MARCHF1: variants seen among roughly 807,000 people sequenced by gnomAD.
MARCHF1 encodes E3 ubiquitin-protein ligase MARCHF1.
A neutral mutation model predicts 54.2 loss-of-function variants in MARCHF1; 40 were observed. The ratio of observed to expected loss-of-function variants is 0.74; its 90% CI spans 0.57 to 0.96. MARCHF1 has a LOEUF of 0.96. MARCHF1 is among the 40% of genes least tolerant of loss of function. The pLI, the probability that MARCHF1 is intolerant of heterozygous loss-of-function variation, is 0.00. For missense variants in MARCHF1, 586 were observed against 656.5 expected (o/e 0.89, Z 1.17); for synonymous variants, 236 against 236.3 (o/e 1.00, Z 0.01).
intron 2 of MARCHF1, among the ~76,000 whole-genome samples, chr4:164,021,912 G>A (rs1475743103): frequency 6.6e-6 from 1 of 150,760 alleles, no homozygotes; most frequent in Non-Finnish European, 1.5e-5. Flanking sequence ...CTTTACATAT[G>A]GTGTGAAATA....
At chr4:163,850,062 G>C (rs535677074) in intron 4 of MARCHF1, among the ~76,000 whole-genome samples, 3 of 152,174 alleles carry the variant, frequency 2.0e-5, no homozygotes, top group Non-Finnish European at 4.4e-5. Context: ...GGAGGAGAAA[G>C]GACTCATTCT....
intron 1 of MARCHF1, among the ~76,000 whole-genome samples, chr4:164,149,473 G>C (rs181925663): frequency 1.3e-5 from 2 of 152,226 alleles, no homozygotes; most frequent in Admixed American, 1.3e-4. Context: ...AACAACCAGG[G>C]AATAGACAAA....
chr4:163,874,254 C>A (rs1750241257), intron 3 of MARCHF1, among the ~76,000 whole-genome samples: 1 of 152,170 alleles, frequency 6.6e-6, no homozygotes, highest in South Asian at 2.1e-4. Flanking sequence ...GATGTTTGGG[C>A]AGCCACGTGG....
intron 3 of MARCHF1, among the ~76,000 whole-genome samples, chr4:163,966,754 G>T (rs1187690750): frequency 2.0e-5 from 3 of 152,086 alleles, no homozygotes; most frequent in African/African-American, 7.2e-5. Context: ...CTTGTCCAGT[G>T]CCACACAGCT....
chr4:164,033,857 A>G (rs1163387263), intron 2 of MARCHF1, among the ~76,000 whole-genome samples: 1 of 152,142 alleles, frequency 6.6e-6, no homozygotes, highest in African/African-American at 2.4e-5. Context: ...ATTGTGGAAG[A>G]CAGTGTGGTG....
At chr4:163,592,145 T>C (rs1195441879) in intron 7 of MARCHF1, among the ~76,000 whole-genome samples, 5 of 152,132 alleles carry the variant, frequency 3.3e-5, no homozygotes, top group African/African-American at 1.2e-4. Flanking sequence ...CAAAATACAA[T>C]CATGACATAA....
intron 3 of MARCHF1, among the ~76,000 whole-genome samples, chr4:163,868,776 A>T (rs990715479): frequency 2.0e-5 from 3 of 151,648 alleles, no homozygotes; most frequent in Non-Finnish European, 4.4e-5. Context: ...TTAAAAAAAA[A>T]TGTTTTTTGA....
chr4:164,051,126 A>C (rs1201588017), intron 2 of MARCHF1, among the ~76,000 whole-genome samples: 1 of 152,144 alleles, frequency 6.6e-6, no homozygotes, highest in Non-Finnish European at 1.5e-5. Flanking sequence ...AATTTGGCAC[A>C]ATGTTTCAAA....
intron 3 of MARCHF1, among the ~76,000 whole-genome samples, chr4:163,985,735 T>G (rs903366607): frequency 1.3e-5 from 2 of 152,176 alleles, no homozygotes; most frequent in African/African-American, 2.4e-5. Context: ...TTTACTAATT[T>G]AAATTAATTA....
chr4:164,257,471 C>A (rs1463449349), intron 1 of MARCHF1, among the ~76,000 whole-genome samples: 2 of 139,582 alleles, frequency 1.4e-5, no homozygotes, highest in East Asian at 4.0e-4. Flanking sequence ...TTGTTTCATT[C>A]TTTTTTTCTA....
At chr4:163,848,106 A>G (rs7666847) in intron 4 of MARCHF1, among the ~76,000 whole-genome samples, 132,623 of 152,204 alleles carry the variant, frequency 0.87, 58,965 homozygotes, top group Non-Finnish European at 0.99. Context: ...GGACATAAAG[A>G]CTGCTTTGAA....
intron 4 of MARCHF1, among the ~76,000 whole-genome samples, chr4:163,780,123 A>G (rs1409562997): frequency 1.3e-5 from 2 of 152,206 alleles, no homozygotes; most frequent in Non-Finnish European, 2.9e-5. Flanking sequence ...ATTTTTTCCT[A>G]AAGACAGGTG....
chr4:164,330,357 G>A (rs961079251), intron 1 of MARCHF1, among the ~76,000 whole-genome samples: 1 of 152,062 alleles, frequency 6.6e-6, no homozygotes, highest in Non-Finnish European at 1.5e-5. Flanking sequence ...ACAGGATGGA[G>A]TTAGGAAGAA....
chr4:164,316,328 T>TA (rs1468053745), intron 1 of MARCHF1, among the ~76,000 whole-genome samples: 1 of 152,196 alleles, frequency 6.6e-6, no homozygotes, highest in Non-Finnish European at 1.5e-5. Context: ...TACTAGCAAC[T>TA]ACTTTTTAGA....
intron 4 of MARCHF1, among the ~76,000 whole-genome samples, chr4:163,756,588 C>CGCCACTGT (rs1746675903): frequency 7.5e-6 from 1 of 133,932 alleles, no homozygotes; most frequent in Non-Finnish European, 1.5e-5. Context: ...GCCGAGATAG[C>CGCCACTGT]GCCACTGTAC....
chr4:163,768,224 A>G (rs1229622558), intron 4 of MARCHF1, among the ~76,000 whole-genome samples: 1 of 152,200 alleles, frequency 6.6e-6, no homozygotes, highest in African/African-American at 2.4e-5. Context: ...TTAGCTTTCA[A>G]TTTAACTTCT....
chr4:163,610,725 C>T (rs76825719), intron 7 of MARCHF1, among the ~76,000 whole-genome samples: 639 of 152,140 alleles, frequency 4.2e-3, no homozygotes, highest in African/African-American at 0.014. Flanking sequence ...GTAAATTACA[C>T]GGTGACAGTT....
chr4:164,216,621 AATTAC>A (rs1731942544), intron 1 of MARCHF1, among the ~76,000 whole-genome samples: 1 of 152,226 alleles, frequency 6.6e-6, no homozygotes, highest in Non-Finnish European at 1.5e-5. Flanking sequence ...GGATTAGATT[AATTAC>A]TGATGAAGAA....
At position 164,335,773 on chromosome 4, in the gene MARCHF1, A is replaced by T. The variant is rs1213273685; in HGVS notation, c.-323+48097T>A. Among the ~76,000 whole-genome samples, 7 of 152,112 alleles carry T rather than the reference A, an allele frequency of 4.6e-5. No homozygotes were observed. In the East Asian group the frequency reaches 1.3e-3, roughly 29 times the overall value. On this transcript the variant is annotated intron_variant, in intron 1 of 9. Transcript: ENST00000514618. The stretch of plus-strand genomic sequence containing the variant: ...AGTAGTTTTAAATTAAAATAGGTAC[A>T]TTTTTGGACATAATGCTATAAATAT...
Sources: allele counts gnomAD v4.1 joint callset (sites outside exome capture counted in the v4.1 genomes callset), GRCh38; gene constraint gnomAD v4.1.1; transcripts MANE v1.5; gene names NCBI Gene and HGNC (gene_info 2026-07-23, HGNC 2026-07-21).